The following PLEKHA7 variants were observed in gnomAD, a reference collection of about 807,000 sequenced individuals.
PLEKHA7 encodes pleckstrin homology domain-containing family A member 7.
In PLEKHA7, 104 loss-of-function variants were observed where a neutral mutation model predicts 170.0. The observed-to-expected ratio is 0.61, with a 90% CI of 0.52 to 0.72. The LOEUF is 0.72. Ranked by LOEUF, PLEKHA7 falls within the 30% of genes least tolerant of loss-of-function variation. PLEKHA7 has a pLI of 0.00. For synonymous variants in PLEKHA7, 648 were observed against 660.8 expected, an observed-to-expected ratio of 0.98 and a Z score of 0.30; for missense variants, 1,615 against 1,671.7, an observed-to-expected ratio of 0.97 and a Z score of 0.59.
In PLEKHA7 at chr11:16,777,774, C is replaced by G. The variant is rs1401546995; in HGVS notation, c.*1224G>C. 1.3e-5 allele frequency: 2 copies of G among 152,198 alleles called. No homozygotes were observed. Among genetic ancestry groups the G allele is most frequent in the African/African-American group, 2.4e-5 (1 of 41,448 alleles). 9.4% of individuals were successfully genotyped at this position (152,198 alleles called of 1,614,324 possible). A position where few individuals can be genotyped will look rare whatever the true frequency, so the allele number is the denominator to read the frequency against. On this transcript the variant is annotated 3_prime_UTR_variant, in exon 27 of 27. Transcript: ENST00000531066. ...CAGGCCATGAGGGATGGTGGGGGCA[C>G]ACTGCTGCCCTCCTGCCACCAGACC...
At chr11:16,831,238 A>C (rs1184115848) in intron 9 of PLEKHA7, among the ~76,000 whole-genome samples, 2 of 152,214 alleles carry the variant, frequency 1.3e-5, no homozygotes, top group Non-Finnish European at 2.9e-5. Context: ...CCCCCACCTT[A>C]CCAGACCTGA....
At chr11:16,857,182 C>A (rs774353028) in intron 4 of PLEKHA7, among the ~76,000 whole-genome samples, 19 of 152,220 alleles carry the variant, frequency 1.2e-4, no homozygotes, top group Non-Finnish European at 2.6e-4. Flanking sequence ...ATATCCTACA[C>A]CACAAGGGAA....
intron 4 of PLEKHA7, among the ~76,000 whole-genome samples, chr11:16,864,694 CAGCCATG>C (rs1309588539): frequency 6.6e-6 from 1 of 152,238 alleles, no homozygotes; most frequent in African/African-American, 2.4e-5. Context: ...CTCTTGCCTG[CAGCCATG>C]TAAGATGTGA....
intron 12 of PLEKHA7, among the ~76,000 whole-genome samples, chr11:16,813,938 A>G (rs550009772): frequency 6.6e-6 from 1 of 152,366 alleles, no homozygotes; most frequent in South Asian, 2.1e-4. Flanking sequence ...ACTGTGAGGC[A>G]GAGGAGCTGT....
rs1359385183 is a variant in PLEKHA7 at position 16,852,278 on chromosome 11, C to T, written c.595+5G>A. 3.7e-6 allele frequency: 6 copies of T among 1,613,646 alleles called. No homozygotes were observed. Among genetic ancestry groups the T allele is most frequent in the Non-Finnish European group, 3.4e-6 (4 of 1,179,778 alleles). ...GGCAGGGTAATAGGCTACTTGTTAG[C>T]TCACCTTTATAGTAAAATAAGCAGT... On this transcript the variant is annotated splice_donor_5th_base_variant and intron_variant, in intron 7 of 26. Coordinates refer to ENST00000531066, the MANE Select transcript of PLEKHA7 (RefSeq NM_001329630.2).
chr11:16,795,105 C>CTCAGGGCGGGGGGCTCTGT, intron 17 of PLEKHA7, 87 bp from the exon 18 acceptor site: 5 of 989,872 alleles, frequency 5.1e-6, no homozygotes, highest in Non-Finnish European at 8.1e-6. Flanking sequence ...GACAGAGCCC[C>CTCAGGGCGGGGGGCTCTGT]CCGCCCTGAG....
At chr11:17,000,605 C>T (rs908630281) in intron 3 of PLEKHA7, among the ~76,000 whole-genome samples, 11 of 152,210 alleles carry the variant, frequency 7.2e-5, no homozygotes, top group Admixed American at 3.3e-4. Context: ...CTCTGCCAAC[C>T]AGGCCACATT....
intron 4 of PLEKHA7, among the ~76,000 whole-genome samples, chr11:16,858,458 T>G (rs1245603014): frequency 6.6e-6 from 1 of 152,166 alleles, no homozygotes; most frequent in African/African-American, 2.4e-5. Context: ...AAATAGCTAC[T>G]TTTGCCATTT....
intron 3 of PLEKHA7, among the ~76,000 whole-genome samples, chr11:16,893,308 TG>T (rs1565082630): frequency 6.6e-6 from 1 of 152,210 alleles, no homozygotes; most frequent in Non-Finnish European, 1.5e-5. Context: ...TACCCTACTG[TG>T]GGCATTTAGT....
At chr11:16,958,009 C>T (rs2136572847) in intron 3 of PLEKHA7, among the ~76,000 whole-genome samples, 1 of 150,912 alleles carries the variant, frequency 6.6e-6, no homozygotes, top group South Asian at 2.2e-4. Flanking sequence ...GGCCTTACCT[C>T]AATAATTTTT....
At chr11:16,792,135 G>A (rs1183611970) in intron 19 of PLEKHA7, among the ~76,000 whole-genome samples, 3 of 151,562 alleles carry the variant, frequency 2.0e-5, no homozygotes, top group African/African-American at 7.2e-5. Flanking sequence ...CCTAAGATAC[G>A]CACTGGTTCT....
chr11:16,852,457 C>A, intron 6 of PLEKHA7, 102 bp from the exon 7 acceptor site: 2 of 919,738 alleles, frequency 2.2e-6, no homozygotes, highest in Non-Finnish European at 3.3e-6. Flanking sequence ...TGCCCATATT[C>A]ACTCTTTGTT....
At chr11:16,888,860 A>T (rs1323253056) in intron 3 of PLEKHA7, among the ~76,000 whole-genome samples, 2 of 92,610 alleles carry the variant, frequency 2.2e-5, no homozygotes, top group Admixed American at 2.3e-4. Flanking sequence ...AAAAAAAAAT[A>T]AAAATTAAAA....
intron 3 of PLEKHA7, among the ~76,000 whole-genome samples, chr11:16,972,243 T>C (rs1231686554): frequency 2.0e-5 from 3 of 152,206 alleles, no homozygotes; most frequent in Admixed American, 2.0e-4. Flanking sequence ...CACCTCAGCC[T>C]CCTGAGTAGC....
At chr11:17,014,243 G>A (rs776755729) in intron 1 of PLEKHA7, 42 bp from the exon 2 acceptor site, 18 of 1,422,478 alleles carry the variant, frequency 1.3e-5, no homozygotes, top group Non-Finnish European at 1.6e-5. Flanking sequence ...GCCACAGCCC[G>A]CCGGGTGCCC....
At chr11:16,904,506 C>T (rs923372743) in intron 3 of PLEKHA7, among the ~76,000 whole-genome samples, 4 of 152,116 alleles carry the variant, frequency 2.6e-5, no homozygotes, top group African/African-American at 9.7e-5. Context: ...CAAGCAGCAA[C>T]CACATCATAT....
At chr11:16,788,901 T>G (rs866705365) in intron 23 of PLEKHA7, 195 bp downstream of exon 23, 2 of 670,884 alleles carry the variant, frequency 3.0e-6, no homozygotes, top group East Asian at 5.5e-5. Context: ...ACTCCAGCTC[T>G]GGTTCAGGTC....
At chr11:16,855,765 AAAG>A (rs769384646) in intron 5 of PLEKHA7, 35 bp downstream of exon 5, 3 of 1,480,672 alleles carry the variant, frequency 2.0e-6, no homozygotes, top group East Asian at 4.5e-5. Flanking sequence ...GCAAAATATA[AAAG>A]AAGGGAAGGA....
In PLEKHA7 at chr11:16,783,737, T is replaced by C; in HGVS notation, c.3613A>G (p.Lys1205Glu). 1 of 1,499,634 alleles carries C rather than the reference T, an allele frequency of 6.7e-7. No individual in the cohort carries two copies. The allele number at this position is 1,499,634 out of a possible 1,614,324, so 92.9% of individuals were successfully genotyped here. A position where few individuals can be genotyped will look rare whatever the true frequency, so the allele number is the denominator to read the frequency against. ...SLEELQARYR[K>E]AEKIRNILAR... The stretch of plus-strand genomic sequence containing the variant: ...AGGATGTTGCGGATCTTCTCGGCTT[T>C]GCGGTACCGCGCCTGCAGCTCCTCA... The change falls in exon 25 of 27, where the codon AAA becomes GAA. Residue 1205 changes from lysine (K) to glutamate (E), a missense_variant. By Grantham distance (56) the Lys-to-Glu change is moderately conservative (BLOSUM62 1). Coordinates refer to ENST00000531066, the MANE Select transcript of PLEKHA7 (RefSeq NM_001329630.2).
Sources: gnomAD v4.1 joint callset for allele counts (sites outside exome capture counted in the v4.1 genomes callset) on GRCh38, gnomAD v4.1.1 for gene constraint, MANE v1.5 for transcripts, NCBI Gene and HGNC (gene_info 2026-07-23, HGNC 2026-07-21) for gene names.